Variants in TESK2 observed in about 807,000 individuals in gnomAD.
TESK2 encodes dual specificity testis-specific protein kinase 2.
A neutral mutation model predicts 57.1 loss-of-function variants in TESK2; 39 were observed. The ratio of observed to expected loss-of-function variants is 0.68; its 90% CI spans 0.53 to 0.89. The LOEUF (loss-of-function observed/expected upper bound fraction) is 0.89, where lower values mean the gene tolerates loss of function less well. TESK2 is among the 40% of genes least tolerant of loss of function. TESK2 has a pLI of 0.00. For missense variants in TESK2, 646 were observed against 732.1 expected (o/e 0.88, Z 1.36); for synonymous variants, 249 against 267.9 (o/e 0.93, Z 0.69).
Position 45,355,341 on chromosome 1 carries a change from G to A in TESK2, c.502C>T (p.His168Tyr), listed in dbSNP as rs767698335. 1.2e-6 allele frequency: 2 copies of A among 1,614,094 alleles called. No homozygotes were observed. The highest frequency in any genetic ancestry group is 2.2e-5 in the South Asian group (2 of 91,056). ...TCCCGATGAAAAATGCCTTTGAAGTGAAGGTAGCTGAGGCCCACTGCTATG... is the reference window on the plus strand; with the variant it reads ...TCCCGATGAAAAATGCCTTTGAAGTAAAGGTAGCTGAGGCCCACTGCTATG... ...YDIAVGLSYL[H>Y]FKGIFHRDLT... The change falls in exon 5 of 11, where the codon CAC (histidine) becomes TAC (tyrosine). Residue 168 changes from histidine to tyrosine, a missense_variant. By Grantham distance (83) the His-to-Tyr change is moderately conservative. Transcript: ENST00000372086.
intron 4 of TESK2, among the ~76,000 whole-genome samples, chr1:45,363,047 G>A (rs1289952693): frequency 3.3e-5 from 5 of 152,204 alleles, no homozygotes; most frequent in Non-Finnish European, 5.9e-5. Context: ...AGAATGGAAA[G>A]GAGGTTATTA....
At chr1:45,433,653 T>C (rs1228969663) in intron 2 of TESK2, among the ~76,000 whole-genome samples, 1 of 152,220 alleles carries the variant, frequency 6.6e-6, no homozygotes, top group Non-Finnish European at 1.5e-5. Context: ...CCATTTTTTA[T>C]ATATACCACA....
chr1:45,437,922 G>T (rs1651297486), intron 2 of TESK2, among the ~76,000 whole-genome samples: 1 of 152,062 alleles, frequency 6.6e-6, no homozygotes, highest in Non-Finnish European at 1.5e-5. Flanking sequence ...TGGGGTTTGG[G>T]GATGGTTCTG....
chr1:45,350,238 T>C (rs767801579), intron 5 of TESK2, among the ~76,000 whole-genome samples: 173 of 152,240 alleles, frequency 1.1e-3, no homozygotes, highest in Non-Finnish European at 1.5e-3. Flanking sequence ...CTCAAAAGGG[T>C]GGCCATGGAT....
At position 45,346,757 on chromosome 1, in the gene TESK2, GCAT is replaced by G. The variant is rs1313464719; in HGVS notation, c.812_814del (p.Asp271del). On this transcript the variant is annotated inframe_deletion, in exon 9 of 11. Coordinates refer to ENST00000372086, the MANE Select transcript of TESK2 (RefSeq NM_007170.3). ...ACAGTCTCCCACCATGTGCTGGAAA[GCAT>G]CATAGTCCAGCCCGAAATTCTGTGG... 33 of 1,613,962 alleles carry G rather than the reference GCAT, an allele frequency of 2.0e-5. No homozygotes were observed. The highest frequency in any genetic ancestry group is 2.7e-5 in the Non-Finnish European group (32 of 1,179,992).
chr1:45,420,511 C>T (rs1291178520), intron 3 of TESK2, among the ~76,000 whole-genome samples: 1 of 151,746 alleles, frequency 6.6e-6, no homozygotes, highest in Non-Finnish European at 1.5e-5. Flanking sequence ...CCCACCTTGG[C>T]CTCCCAAAGT....
At chr1:45,391,271 A>G (rs900381218) in intron 3 of TESK2, among the ~76,000 whole-genome samples, 3 of 142,174 alleles carry the variant, frequency 2.1e-5, no homozygotes, top group African/African-American at 5.4e-5. Context: ...AGGCTGGAGT[A>G]CAACAGTGTG....
At chr1:45,388,370 T>C (rs1648983899) in intron 3 of TESK2, among the ~76,000 whole-genome samples, 1 of 152,214 alleles carries the variant, frequency 6.6e-6, no homozygotes, top group African/African-American at 2.4e-5. Context: ...TATCCTACTA[T>C]AACAAAAACA....
intron 3 of TESK2, chr1:45,415,033 C>T (rs1650183468): frequency 3.6e-6 from 4 of 1,109,462 alleles, no homozygotes; most frequent in Non-Finnish European, 5.4e-6. Context: ...TGGTCAACCC[C>T]ACCATGTTCT....
chr1:45,476,838 C>T (rs1653016396), intron 1 of TESK2, among the ~76,000 whole-genome samples: 1 of 151,230 alleles, frequency 6.6e-6, no homozygotes, highest in South Asian at 2.1e-4. Context: ...TAGAGTGAGA[C>T]TCCATCTCAA....
At chr1:45,410,060 G>A (rs1245434833) in intron 3 of TESK2, among the ~76,000 whole-genome samples, 1 of 152,006 alleles carries the variant, frequency 6.6e-6, no homozygotes, top group African/African-American at 2.4e-5. Flanking sequence ...AGCTACTCGG[G>A]AGGCTGAAGC....
intron 4 of TESK2, 134 bp from the exon 5 acceptor site, chr1:45,355,583 C>G (rs903120153): frequency 5.4e-6 from 5 of 934,352 alleles, no homozygotes; most frequent in Non-Finnish European, 7.8e-6. Flanking sequence ...TATTCTGCCT[C>G]CAAGCACTAT....
At chr1:45,353,020 T>C (rs1268669078) in intron 5 of TESK2, among the ~76,000 whole-genome samples, 1 of 151,972 alleles carries the variant, frequency 6.6e-6, no homozygotes, top group Non-Finnish European at 1.5e-5. Flanking sequence ...CATCTCAGCC[T>C]CCCGAGTAGC....
chr1:45,444,736 C>T (rs1466435883), intron 2 of TESK2, among the ~76,000 whole-genome samples: 1 of 152,202 alleles, frequency 6.6e-6, no homozygotes, highest in African/African-American at 2.4e-5. Flanking sequence ...AATCTAACAT[C>T]GCTGACTCCA....
chr1:45,455,269 T>C (rs1228983591), intron 2 of TESK2, among the ~76,000 whole-genome samples: 2 of 152,236 alleles, frequency 1.3e-5, no homozygotes, highest in Admixed American at 1.3e-4. Flanking sequence ...TTGCTTAATA[T>C]GTTTTTCAGA....
In TESK2 at chr1:45,486,782, T is replaced by TACACGCACACACACAC. The variant is rs1553160297; in HGVS notation, c.-87+4069_-87+4070insGTGTGTGTGTGCGTGT. Among the ~76,000 whole-genome samples the TACACGCACACACACAC allele has an allele frequency of 4.9e-4, 57 of 115,890 alleles. 1 individual carries two copies. Among genetic ancestry groups the TACACGCACACACACAC allele is most frequent in the Admixed American group, 1.2e-3 (13 of 10,680 alleles). 76.0% of individuals were successfully genotyped at this position (115,890 alleles called of 152,430 possible). On this transcript the variant is annotated intron_variant, in intron 1 of 10. Transcript: ENST00000372086. ...GTGGAGAGTCCCTAGCCTCCCAGCA[T>TACACGCACACACACAC]ACACACACACACACACACACACACA...
At chr1:45,403,489 G>A (rs547384767) in intron 3 of TESK2, among the ~76,000 whole-genome samples, 1 of 152,254 alleles carries the variant, frequency 6.6e-6, no homozygotes, top group African/African-American at 2.4e-5. Context: ...TCTCACATCA[G>A]GTGACACTAA....
intron 2 of TESK2, among the ~76,000 whole-genome samples, chr1:45,422,831 G>C (rs969566666): frequency 7.1e-6 from 1 of 140,854 alleles, no homozygotes; most frequent in African/African-American, 2.6e-5. Flanking sequence ...GTGCAGTGGC[G>C]TGATCTCGGC....
intron 1 of TESK2, among the ~76,000 whole-genome samples, chr1:45,460,373 A>C (rs2149300865): frequency 6.6e-6 from 1 of 152,106 alleles, no homozygotes; most frequent in South Asian, 2.1e-4. Context: ...CAAAAAAATT[A>C]GCTGGGCGTG....
Sources: allele counts gnomAD v4.1 joint callset (sites outside exome capture counted in the v4.1 genomes callset), GRCh38; gene constraint gnomAD v4.1.1; transcripts MANE v1.5; gene names NCBI Gene and HGNC (gene_info 2026-07-23, HGNC 2026-07-21).